The following TCERG1L variants were observed in gnomAD, a reference collection of about 807,000 sequenced individuals.
TCERG1L encodes the protein transcription elongation regulator 1-like protein.
A neutral mutation model predicts 56.3 loss-of-function variants in TCERG1L; 37 were observed. That is an observed-to-expected ratio of 0.66 (90% CI 0.51 to 0.87). The LOEUF (loss-of-function observed/expected upper bound fraction) is 0.87, where lower values mean the gene tolerates loss of function less well. Ranked by LOEUF, TCERG1L falls within the 40% of genes least tolerant of loss-of-function variation. The pLI, the probability that TCERG1L is intolerant of heterozygous loss-of-function variation, is 0.00. For missense variants in TCERG1L, 799 were observed against 774.2 expected, an observed-to-expected ratio of 1.03 and a Z score of -0.38; for synonymous variants, 324 against 326.3, an observed-to-expected ratio of 0.99 and a Z score of 0.08.
intron 1 of TCERG1L, among the ~76,000 whole-genome samples, chr10:131,310,478 C>A (rs1194095741): frequency 6.6e-6 from 1 of 152,188 alleles, no homozygotes; most frequent in Non-Finnish European, 1.5e-5. Flanking sequence ...ACATAACACC[C>A]GTTTGAATAT....
chr10:131,180,825 A>C (rs563349364), intron 4 of TCERG1L, among the ~76,000 whole-genome samples: 29 of 134,504 alleles, frequency 2.2e-4, no homozygotes, highest in African/African-American at 6.3e-4. Context: ...TTATCAAATA[A>C]GAACGTTTTT....
At chr10:131,251,033 C>CCGGCTTGTCGGAACATCATCA (rs573961319) in intron 4 of TCERG1L, among the ~76,000 whole-genome samples, 473 of 152,294 alleles carry the variant, frequency 3.1e-3, no homozygotes, top group Non-Finnish European at 5.4e-3. Flanking sequence ...GCCAAATTCT[C>CCGGCTTGTCGGAACATCATCA]CGGCTTGTCG....
In TCERG1L at chr10:131,260,238, G is replaced by A. The variant is rs997082851; in HGVS notation, c.856+21C>T. On this transcript the variant is annotated intron_variant, in intron 4 of 11. Coordinates refer to ENST00000368642, the MANE Select transcript of TCERG1L (RefSeq NM_174937.4). The surrounding 1 kb of genome is among the most constrained non-coding windows in gnomAD (Gnocchi z 5.8). ...GCTCGCTAAGGCAGCACCAGGCGTC[G>A]GGACGGCGCTCCGAGCCTACCTGAG... The A allele has an allele frequency of 5.2e-6, 7 of 1,346,574 alleles. No homozygotes were observed. Among genetic ancestry groups the A allele is most frequent in the Non-Finnish European group, 6.7e-6 (7 of 1,043,986 alleles). The allele number at this position is 1,346,574 out of a possible 1,614,324, so 83.4% of individuals were successfully genotyped here. A position where few individuals can be genotyped will look rare whatever the true frequency, so the allele number is the denominator to read the frequency against.
Position 131,260,556 on chromosome 10 carries a change from GCTACCC to G in TCERG1L, c.671-118_671-113del. ...CCCCCAGAAAACAGGTGAGGGGGGC[GCTACCC>G]CTCTTTAATGGAGGCCCACAGTATG... On this transcript the variant is annotated intron_variant, in intron 3 of 11. Coordinates refer to ENST00000368642, the MANE Select transcript of TCERG1L (RefSeq NM_174937.4). The surrounding 1 kb of genome is among the most constrained non-coding windows in gnomAD (Gnocchi z 5.8). The G allele has an allele frequency of 8.2e-7, 1 of 1,225,294 alleles. No homozygotes were observed. Among genetic ancestry groups the G allele is most frequent in the Non-Finnish European group, 1.0e-6 (1 of 961,672 alleles). The allele number at this position is 1,225,294 out of a possible 1,614,324, so 75.9% of individuals were successfully genotyped here. A position where few individuals can be genotyped will look rare whatever the true frequency, so the allele number is the denominator to read the frequency against.
At chr10:131,255,866 T>C (rs1027405628) in intron 4 of TCERG1L, among the ~76,000 whole-genome samples, 15 of 152,254 alleles carry the variant, frequency 9.9e-5, no homozygotes, top group African/African-American at 7.2e-5. Context: ...CTGCACCTTA[T>C]ACAACTAAAT....
At chr10:131,238,212 C>A (rs780354652) in intron 4 of TCERG1L, among the ~76,000 whole-genome samples, 27 of 152,166 alleles carry the variant, frequency 1.8e-4, no homozygotes, top group South Asian at 4.1e-4. Context: ...CAGGAAACGG[C>A]CCCCACGTGC....
In TCERG1L at chr10:131,297,101, C is replaced by G. The variant is rs115767477; in HGVS notation, c.670+11110G>C. 6.8e-3 allele frequency among the ~76,000 whole-genome samples: 1,032 copies of G among 152,202 alleles called. 9 individuals carry two copies. The highest frequency in any genetic ancestry group is 0.023 in the African/African-American group (972 of 41,506). ...TTTTACTTTTTGCCTTGTTGCATAA[C>G]TAGGGCTCCCGTCACAAATCCTTGC... On this transcript the variant is annotated intron_variant, in intron 3 of 11. Transcript: ENST00000368642.
rs1171361825 is a variant in TCERG1L at position 131,261,091 on chromosome 10, C to T, written c.671-647G>A. Among the ~76,000 whole-genome samples, 5 of 152,176 alleles carry T rather than the reference C, an allele frequency of 3.3e-5. No individual in the cohort carries two copies. The East Asian group carries it at 9.7e-4, about 29-fold the overall frequency. On this transcript the variant is annotated intron_variant, in intron 3 of 11. Transcript: ENST00000368642. ...AGCTGCTGCAGGAGACACCCACACCCAGCTCAGCGTGGGTCGCTCCTTGAG... is the reference window on the plus strand; with the variant it reads ...AGCTGCTGCAGGAGACACCCACACCTAGCTCAGCGTGGGTCGCTCCTTGAG...
chr10:131,172,205 C>T (rs988322494), intron 4 of TCERG1L, among the ~76,000 whole-genome samples: 1 of 152,102 alleles, frequency 6.6e-6, no homozygotes, highest in Non-Finnish European at 1.5e-5. Context: ...TAAGAACATG[C>T]GTCTTCTGGT....
intron 3 of TCERG1L, among the ~76,000 whole-genome samples, chr10:131,290,162 G>GTGTGTGTGTATGTGTGCACTGC (rs1846596801): frequency 2.2e-5 from 1 of 45,030 alleles, no homozygotes; most frequent in Non-Finnish European, 5.4e-5. Context: ...CTATCGGTGT[G>GTGTGTGTGTATGTGTGCACTGC]TGTGTGTGTA....
At chr10:131,244,130 G>C (rs1414291567) in intron 4 of TCERG1L, among the ~76,000 whole-genome samples, 3 of 152,194 alleles carry the variant, frequency 2.0e-5, no homozygotes, top group South Asian at 4.1e-4. Context: ...TCGCAAAAAC[G>C]CAAGACATAA....
chr10:131,280,796 C>T (rs897953733), intron 3 of TCERG1L, among the ~76,000 whole-genome samples: 10 of 152,216 alleles, frequency 6.6e-5, no homozygotes, highest in African/African-American at 2.2e-4. Context: ...GAGATGCACC[C>T]GACAGGCTCA....
chr10:131,133,517 A>C (rs1360108076), intron 8 of TCERG1L, among the ~76,000 whole-genome samples: 1 of 152,064 alleles, frequency 6.6e-6, no homozygotes, highest in African/African-American at 2.4e-5. Context: ...CATGGGACCA[A>C]TAACAGCCCA....
chr10:131,282,253 C>T (rs535502881), intron 3 of TCERG1L, among the ~76,000 whole-genome samples: 50 of 148,586 alleles, frequency 3.4e-4, no homozygotes, highest in South Asian at 2.6e-3. Context: ...TTAGACCCCA[C>T]GCTTTCAAAC....
chr10:131,135,026 C>T (rs927469161), intron 7 of TCERG1L, among the ~76,000 whole-genome samples: 4 of 152,180 alleles, frequency 2.6e-5, no homozygotes, highest in African/African-American at 9.7e-5. Flanking sequence ...AGGCAGTCAG[C>T]CCTGAAAACG....
chr10:131,251,233 G>A (rs1450202008), intron 4 of TCERG1L, among the ~76,000 whole-genome samples: 1 of 152,080 alleles, frequency 6.6e-6, no homozygotes, highest in African/African-American at 2.4e-5. Context: ...ACGCCCTTCT[G>A]CCCAGGCCAG....
chr10:131,093,415 T>C, intron 11 of TCERG1L, 97 bp from the exon 12 acceptor site: 1 of 1,455,232 alleles, frequency 6.9e-7, no homozygotes, highest in Non-Finnish European at 9.3e-7. Flanking sequence ...CATCCAGCCC[T>C]TCCACCAGGC....
At chr10:131,202,222 T>C (rs1365682571) in intron 4 of TCERG1L, among the ~76,000 whole-genome samples, 4 of 152,226 alleles carry the variant, frequency 2.6e-5, no homozygotes, top group Non-Finnish European at 5.9e-5. Flanking sequence ...AGAAACAGAC[T>C]GATGCCCCCA....
At chr10:131,134,354 G>A (rs1486855598) in intron 8 of TCERG1L, 25 bp downstream of exon 8, 3 of 1,565,666 alleles carry the variant, frequency 1.9e-6, no homozygotes, top group Non-Finnish European at 2.6e-6. Context: ...GGAAAGATCT[G>A]CTGGGGAAGA....
Sources: allele counts gnomAD v4.1 joint callset (sites outside exome capture counted in the v4.1 genomes callset), GRCh38; gene constraint gnomAD v4.1.1; non-coding constraint Gnocchi (gnomAD v3.1); transcripts MANE v1.5; gene names NCBI Gene and HGNC (gene_info 2026-07-23, HGNC 2026-07-21).